The following SHANK2 variants were observed in gnomAD, a reference collection of about 807,000 sequenced individuals.
The protein encoded by SHANK2 is SH3 and multiple ankyrin repeat domains 2.
Under a neutral mutation model 133.7 loss-of-function variants are expected in SHANK2, and 43 were observed. That is an observed-to-expected ratio of 0.32 (90% confidence interval 0.25 to 0.41). SHANK2 has a LOEUF of 0.41. SHANK2 is among the 10% of genes least tolerant of loss of function. The pLI is 1.00. For missense variants in SHANK2, 1,994 were observed against 2,235.8 expected, an observed-to-expected ratio of 0.89 and a Z score of 2.18; for synonymous variants, 1,017 against 952.8, an observed-to-expected ratio of 1.07 and a Z score of -1.24.
At chr11:70,827,820 T>C (rs1948668418) in intron 11 of SHANK2, among the ~76,000 whole-genome samples, 1 of 151,718 alleles carries the variant, frequency 6.6e-6, no homozygotes, top group Admixed American at 6.6e-5. Context: ...TCAATAAAAA[T>C]GGCGGTGTGA....
rs782628368 is a variant in SHANK2, at chr11:70,502,941, GGCGGAGAGGATGGCATCAGTGAGAGCCA to G, written c.2062-38_2062-11del. The stretch of plus-strand genomic sequence containing the variant: ...CATTCTCATTGTTAACCTGTGGGAA[GGCGGAGAGGATGGCATCAGTGAGAGCCA>G]GCGGAGAGGAAGACAGTTGGCACCC... On this transcript the variant is annotated splice_polypyrimidine_tract_variant and intron_variant, in intron 17 of 25. Coordinates refer to ENST00000601538, the MANE Select transcript of SHANK2 (RefSeq NM_012309.5). 3.1e-6 allele frequency: 5 copies of G among 1,614,120 alleles called. No homozygotes were observed. In the South Asian group the frequency reaches 5.5e-5, roughly 18 times the overall value.
At chr11:70,733,967 C>T (rs1028815241) in intron 14 of SHANK2, among the ~76,000 whole-genome samples, 10 of 152,216 alleles carry the variant, frequency 6.6e-5, no homozygotes, top group Admixed American at 2.0e-4. Flanking sequence ...GGAGACAAAG[C>T]GAAGCCATGG....
intron 9 of SHANK2, among the ~76,000 whole-genome samples, chr11:71,068,782 T>A (rs1188648668): frequency 1.3e-5 from 2 of 152,140 alleles, no homozygotes; most frequent in African/African-American, 4.8e-5. Context: ...ACCTCATTTG[T>A]TCTGCTGCAC....
At chr11:70,658,515 T>C (rs2061440769) in intron 17 of SHANK2, among the ~76,000 whole-genome samples, 1 of 152,222 alleles carries the variant, frequency 6.6e-6, no homozygotes, top group Non-Finnish European at 1.5e-5. Flanking sequence ...AACCAGGTTC[T>C]GATTGGTCAA....
Position 70,934,476 on chromosome 11 carries a change from C to A in SHANK2, c.1108-37909G>T, listed in dbSNP as rs183081126. Among the ~76,000 whole-genome samples the A allele has an allele frequency of 4.9e-3, 746 of 152,216 alleles. 4 individuals are homozygous for A. Among genetic ancestry groups the A allele is most frequent in the African/African-American group, 0.017 (713 of 41,534 alleles). On this transcript the variant is annotated intron_variant, in intron 10 of 25. Coordinates refer to ENST00000601538, the MANE Select transcript of SHANK2 (RefSeq NM_012309.5). Reference sequence around the variant, plus strand: ...TGCCTGGGAAGCAGTCCTTGGCTGTCCCCACCCTGCTACAGGGTAAGCTCC... The same window carrying A: ...TGCCTGGGAAGCAGTCCTTGGCTGTACCCACCCTGCTACAGGGTAAGCTCC...
intron 9 of SHANK2, among the ~76,000 whole-genome samples, chr11:71,063,483 C>T (rs1418151397): frequency 2.0e-5 from 3 of 152,210 alleles, no homozygotes; most frequent in Admixed American, 6.5e-5. Flanking sequence ...TCTACCCGCT[C>T]CTTCTGGTTT....
At chr11:71,104,460 C>T (rs191851767) in intron 6 of SHANK2, among the ~76,000 whole-genome samples, 7 of 152,296 alleles carry the variant, frequency 4.6e-5, no homozygotes, top group East Asian at 1.9e-4. Flanking sequence ...GATGCGTATC[C>T]GTCCCTTATG....
chr11:71,120,441 A>G (rs1952060547), intron 3 of SHANK2, among the ~76,000 whole-genome samples: 1 of 152,204 alleles, frequency 6.6e-6, no homozygotes, highest in South Asian at 2.1e-4. Flanking sequence ...AAAAGGCCCT[A>G]TCATCTTCCC....
At chr11:71,151,642 T>C (rs1952798539) in intron 2 of SHANK2, among the ~76,000 whole-genome samples, 1 of 152,142 alleles carries the variant, frequency 6.6e-6, no homozygotes, top group African/African-American at 2.4e-5. Flanking sequence ...AGAAGCCTAG[T>C]GTGGTAGCGA....
rs568742144 is a variant in SHANK2, at chr11:70,878,774, C to A, written c.1174+17727G>T. The stretch of plus-strand genomic sequence containing the variant: ...AAGCTCTCTGCTGCGCTACCCAGGG[C>A]TCAAAGCAGCTCCCTTCCCACTAAC... On this transcript the variant is annotated intron_variant, in intron 11 of 25. Coordinates refer to ENST00000601538, the MANE Select transcript of SHANK2 (RefSeq NM_012309.5). Among the ~76,000 whole-genome samples the A allele has an allele frequency of 2.0e-5, 3 of 152,334 alleles. No individual in the cohort carries two copies. The East Asian group carries it at 5.8e-4, about 29-fold the overall frequency.
chr11:70,611,931 G>C (rs1046543281), intron 17 of SHANK2, among the ~76,000 whole-genome samples: 10 of 119,924 alleles, frequency 8.3e-5, no homozygotes, highest in African/African-American at 2.3e-4. Flanking sequence ...GAGAAGCCTC[G>C]TTCCAAATTT....
intron 11 of SHANK2, among the ~76,000 whole-genome samples, chr11:70,829,081 T>C (rs990826438): frequency 6.6e-6 from 1 of 152,180 alleles, no homozygotes; most frequent in Non-Finnish European, 1.5e-5. Flanking sequence ...CGGAAGACCT[T>C]GGGTGGAGGG....
At chr11:70,603,121 G>A (rs1159369843) in intron 17 of SHANK2, among the ~76,000 whole-genome samples, 1 of 152,244 alleles carries the variant, frequency 6.6e-6, no homozygotes, top group Admixed American at 6.5e-5. Flanking sequence ...AAGCGGTGGT[G>A]GGGGACCCCT....
intron 17 of SHANK2, among the ~76,000 whole-genome samples, chr11:70,580,086 G>A (rs1376734251): frequency 6.6e-6 from 1 of 152,194 alleles, no homozygotes; most frequent in East Asian, 1.9e-4. Flanking sequence ...AAGCCACCAG[G>A]TTCGTGGTGA....
In SHANK2 at chr11:71,142,848, A is replaced by G. The variant is rs1555106036; in HGVS notation, c.207+4272T>C. Among the ~76,000 whole-genome samples the G allele has an allele frequency of 7.2e-5, 11 of 152,328 alleles. No individual in the cohort carries two copies. The South Asian group carries it at 2.1e-3, about 29-fold the overall frequency. The stretch of plus-strand genomic sequence containing the variant: ...AAAAGTCACCTATGAGATGGAAAAA[A>G]TAAATCTGTTGGCCTCAAATGTATT... On this transcript the variant is annotated intron_variant, in intron 3 of 25. Transcript: ENST00000601538.
At chr11:70,594,425 C>T (rs934377885) in intron 17 of SHANK2, among the ~76,000 whole-genome samples, 1 of 152,208 alleles carries the variant, frequency 6.6e-6, no homozygotes, top group Admixed American at 6.5e-5. Context: ...AGCCAGCCTC[C>T]TTTCTACGTG....
chr11:70,577,759 G>T (rs1019694176), intron 17 of SHANK2, among the ~76,000 whole-genome samples: 19 of 152,288 alleles, frequency 1.2e-4, no homozygotes, highest in Admixed American at 1.2e-3. Context: ...TAAACTGTGG[G>T]TCACCATTCC....
intron 2 of SHANK2, among the ~76,000 whole-genome samples, chr11:71,223,227 C>T (rs538284906): frequency 8.5e-5 from 13 of 152,310 alleles, no homozygotes; most frequent in Non-Finnish European, 1.6e-4. Context: ...CAGGGTAGTC[C>T]TGCATGGGGC....
intron 8 of SHANK2, among the ~76,000 whole-genome samples, chr11:71,086,439 TTTATATA>T (rs1411735143): frequency 7.8e-6 from 1 of 128,494 alleles, no homozygotes; most frequent in Non-Finnish European, 1.6e-5. Flanking sequence ...ATATTTATAA[TTTATATA>T]TTATATTATA....
Sources: allele counts gnomAD v4.1 joint callset (sites outside exome capture counted in the v4.1 genomes callset), GRCh38; gene constraint gnomAD v4.1.1; transcripts MANE v1.5; gene names NCBI Gene and HGNC (gene_info 2026-07-23, HGNC 2026-07-21).